The following FSIP1 variants were observed in gnomAD, a reference collection of about 807,000 sequenced individuals.
The protein encoded by FSIP1 is fibrous sheath-interacting protein 1.
In FSIP1, 65 loss-of-function variants were observed where a neutral mutation model predicts 60.9. The observed-to-expected ratio is 1.07, with a 90% CI of 0.87 to 1.31. The LOEUF is 1.31. FSIP1 is among the 40% of genes most tolerant of loss of function. The probability of loss-of-function intolerance (pLI) is 0.00; values close to 1 mark genes in which losing one functional copy is unlikely to be tolerated. For synonymous variants in FSIP1, 209 were observed against 221.2 expected (o/e 0.94, Z 0.49); for missense variants, 675 against 665.5 (o/e 1.01, Z -0.16).
intron 10 of FSIP1, among the ~76,000 whole-genome samples, chr15:39,654,697 G>A (rs1595578071): frequency 6.6e-6 from 1 of 152,290 alleles, no homozygotes; most frequent in East Asian, 1.9e-4. Flanking sequence ...AGGACTACTG[G>A]CTGGCTGGAG....
At chr15:39,696,268 T>C (rs1894809654) in intron 10 of FSIP1, among the ~76,000 whole-genome samples, 1 of 152,062 alleles carries the variant, frequency 6.6e-6, no homozygotes, top group East Asian at 1.9e-4. Flanking sequence ...TTTAAATATA[T>C]AAAGACAGCT....
intron 5 of FSIP1, among the ~76,000 whole-genome samples, chr15:39,754,045 C>T (rs1037830898): frequency 2.0e-5 from 3 of 151,972 alleles, no homozygotes; most frequent in Non-Finnish European, 4.4e-5. Flanking sequence ...GATGCAGTAA[C>T]GTCTAGTAAT....
At chr15:39,762,236 T>G (rs932414695) in intron 5 of FSIP1, among the ~76,000 whole-genome samples, 5 of 152,212 alleles carry the variant, frequency 3.3e-5, no homozygotes, top group Non-Finnish European at 5.9e-5. Context: ...ATATCTGAAA[T>G]CAAGAGATAT....
At chr15:39,694,862 G>A (rs1427588464) in intron 10 of FSIP1, among the ~76,000 whole-genome samples, 1 of 151,170 alleles carries the variant, frequency 6.6e-6, no homozygotes, top group Admixed American at 6.6e-5. Flanking sequence ...ATTTTTAAAG[G>A]CATTTTTAGT....
intron 9 of FSIP1, among the ~76,000 whole-genome samples, chr15:39,715,181 A>G (rs933999561): frequency 4.0e-5 from 6 of 151,648 alleles, no homozygotes; most frequent in African/African-American, 1.5e-4. Flanking sequence ...TCTTCATCTC[A>G]TTTCCCACTG....
At chr15:39,748,978 A>G (rs1358747405) in intron 5 of FSIP1, among the ~76,000 whole-genome samples, 1 of 152,018 alleles carries the variant, frequency 6.6e-6, no homozygotes, top group African/African-American at 2.4e-5. Context: ...AGAAATTACA[A>G]CAGACACCTA....
chr15:39,733,134 G>A (rs992564209), intron 8 of FSIP1, among the ~76,000 whole-genome samples: 9 of 152,102 alleles, frequency 5.9e-5, no homozygotes, highest in South Asian at 2.1e-4. Flanking sequence ...ATGTTCAAGC[G>A]ATTCTCCTGC....
At chr15:39,719,705 G>A (rs546211342) in intron 9 of FSIP1, among the ~76,000 whole-genome samples, 13 of 152,312 alleles carry the variant, frequency 8.5e-5, no homozygotes, top group East Asian at 5.8e-4. Context: ...TAGATGGATC[G>A]TGTGTCTGGC....
chr15:39,689,909 A>G lies in FSIP1; in HGVS notation c.1188+23535T>C, dbSNP rs188696288. Among the ~76,000 whole-genome samples the G allele has an allele frequency of 3.5e-3, 535 of 152,230 alleles. 4 individuals are homozygous for G. Among genetic ancestry groups the G allele is most frequent in the African/African-American group, 0.012 (506 of 41,524 alleles). On this transcript the variant is annotated intron_variant, in intron 10 of 11. Coordinates refer to ENST00000350221, the MANE Select transcript of FSIP1 (RefSeq NM_152597.5). ...TTTTCTTGAGTCATTCATTTCTCAT[A>G]CTGAAAATCACTCATTCAAAACCAG...
chr15:39,665,224 C>T (rs1039641208), intron 10 of FSIP1, among the ~76,000 whole-genome samples: 20 of 152,124 alleles, frequency 1.3e-4, no homozygotes, highest in African/African-American at 4.6e-4. Context: ...TTCCTAACTC[C>T]GATTCTCATT....
chr15:39,618,260 C>T lies in FSIP1; in HGVS notation c.1189-15G>A. ...GTGGACTCTAACTGATGAAACAAAC[C>T]AAAAGATTACATAGTCAGTTGACTG... On this transcript the variant is annotated splice_polypyrimidine_tract_variant and intron_variant, in intron 10 of 11. Transcript: ENST00000350221. 1 of 1,577,972 alleles carries T rather than the reference C, an allele frequency of 6.3e-7. No homozygotes were observed.
intron 10 of FSIP1, among the ~76,000 whole-genome samples, chr15:39,685,064 T>C (rs1181897393): frequency 6.6e-6 from 1 of 152,188 alleles, no homozygotes; most frequent in African/African-American, 2.4e-5. Context: ...CTCAGCAATG[T>C]CCACCTAGGA....
chr15:39,626,906 C>T (rs1197892574), intron 10 of FSIP1, among the ~76,000 whole-genome samples: 6 of 152,158 alleles, frequency 3.9e-5, no homozygotes, highest in African/African-American at 9.7e-5. Context: ...ATCAGTGCCA[C>T]GATCACCAGC....
chr15:39,685,860 T>C (rs1464795945), intron 10 of FSIP1, among the ~76,000 whole-genome samples: 1 of 152,142 alleles, frequency 6.6e-6, no homozygotes, highest in Non-Finnish European at 1.5e-5. Context: ...TGTCCCACGA[T>C]ACACTCCAGA....
chr15:39,764,681 A>G (rs1252741188), intron 4 of FSIP1, among the ~76,000 whole-genome samples: 2 of 152,210 alleles, frequency 1.3e-5, no homozygotes, highest in Non-Finnish European at 2.9e-5. Flanking sequence ...AAGAGGTCCA[A>G]GAAGGCCAAG....
chr15:39,671,568 AC>A (rs1893722037), intron 10 of FSIP1, among the ~76,000 whole-genome samples: 1 of 152,142 alleles, frequency 6.6e-6, no homozygotes, highest in African/African-American at 2.4e-5. Flanking sequence ...TTTTAGTGCC[AC>A]CCTCATAAAT....
Position 39,752,511 on chromosome 15 carries a change from G to C in FSIP1, c.560-10611C>G, listed in dbSNP as rs77985287. ...TAATATGATGTAATGTAATGAAAAT[G>C]ACCCTGTAACTCCATGGTTTTCCTC... On this transcript the variant is annotated intron_variant, in intron 5 of 11. Transcript: ENST00000350221. 8.5e-4 allele frequency among the ~76,000 whole-genome samples: 129 copies of C among 152,126 alleles called. 1 individual carries two copies. In the East Asian group the frequency reaches 0.023, roughly 28 times the overall value.
intron 1 of FSIP1, 38 bp from the exon 2 acceptor site, chr15:39,776,569 C>T (rs775148505): frequency 4.0e-6 from 6 of 1,508,816 alleles, no homozygotes; most frequent in Admixed American, 1.9e-5. Flanking sequence ...CCAAGCGACT[C>T]GGATATTTAA....
In FSIP1 at chr15:39,698,076, A is replaced by G. The variant is rs1055575003; in HGVS notation, c.1188+15368T>C. 7.9e-5 allele frequency among the ~76,000 whole-genome samples: 12 copies of G among 151,762 alleles called. No individual in the cohort carries two copies. The East Asian group carries it at 2.3e-3, about 29-fold the overall frequency. Reference sequence around the variant, plus strand: ...CTCTGAAACTGCCCTGTCAATAGTCACTAGCCACATGGGGCAATGGAGACC... The same window carrying G: ...CTCTGAAACTGCCCTGTCAATAGTCGCTAGCCACATGGGGCAATGGAGACC... On this transcript the variant is annotated intron_variant, in intron 10 of 11. Coordinates refer to ENST00000350221, the MANE Select transcript of FSIP1 (RefSeq NM_152597.5).
Sources: allele counts gnomAD v4.1 joint callset (sites outside exome capture counted in the v4.1 genomes callset), GRCh38; gene constraint gnomAD v4.1.1; transcripts MANE v1.5; gene names NCBI Gene and HGNC (gene_info 2026-07-23, HGNC 2026-07-21).